MYT1L: variants seen among roughly 807,000 people sequenced by gnomAD.
MYT1L encodes the protein myelin transcription factor 1-like protein.
A neutral mutation model predicts 126.7 loss-of-function variants in MYT1L; 12 were observed. The observed-to-expected ratio is 0.09, with a 90% CI of 0.06 to 0.15. MYT1L has a LOEUF of 0.15. MYT1L is among the 10% of genes least tolerant of loss of function. The pLI is 1.00. For synonymous variants in MYT1L, 541 were observed against 604.2 expected (o/e 0.90, Z 1.53); for missense variants, 979 against 1,585.2 (o/e 0.62, Z 6.49).
intron 2 of MYT1L, among the ~76,000 whole-genome samples, chr2:2,214,843 C>A (rs2093633674): frequency 6.6e-6 from 1 of 152,058 alleles, no homozygotes; most frequent in Non-Finnish European, 1.5e-5. Flanking sequence ...AGCTAAATCT[C>A]TTTAAAATTA....
At chr2:1,995,493 C>T (rs1036256841) in intron 5 of MYT1L, among the ~76,000 whole-genome samples, 6 of 152,184 alleles carry the variant, frequency 3.9e-5, no homozygotes. Flanking sequence ...TAAAAAAACA[C>T]CTGCCTCTTG....
intron 3 of MYT1L, among the ~76,000 whole-genome samples, chr2:2,137,183 T>C (rs1232323174): frequency 6.6e-6 from 1 of 152,096 alleles, no homozygotes; most frequent in African/African-American, 2.4e-5. Flanking sequence ...CTCAATGAAA[T>C]AGAAGAGGAT....
chr2:2,115,315 A>G (rs1008927474), intron 3 of MYT1L, among the ~76,000 whole-genome samples: 1 of 152,242 alleles, frequency 6.6e-6, no homozygotes, highest in Non-Finnish European at 1.5e-5. Context: ...CTATATCTCC[A>G]GCACCTAATA....
chr2:2,126,968 G>A (rs1371486357), intron 3 of MYT1L, among the ~76,000 whole-genome samples: 2 of 152,182 alleles, frequency 1.3e-5, no homozygotes, highest in African/African-American at 4.8e-5. Flanking sequence ...TCTTCATAAC[G>A]GAAGCCTCCA....
chr2:2,198,825 G>A (rs933224295), intron 2 of MYT1L, among the ~76,000 whole-genome samples: 6 of 152,044 alleles, frequency 3.9e-5, no homozygotes, highest in African/African-American at 1.2e-4. Flanking sequence ...CAGCCTGGGC[G>A]ACAGAGCGAG....
intron 3 of MYT1L, among the ~76,000 whole-genome samples, chr2:2,144,204 G>C (rs1215012628): frequency 6.6e-6 from 1 of 152,102 alleles, no homozygotes; most frequent in East Asian, 1.9e-4. Flanking sequence ...GGGGGTGGGG[G>C]AGGTTTTGTC....
chr2:1,866,726 G>GGAGGGAGAGAGA (rs2045586227), intron 18 of MYT1L, among the ~76,000 whole-genome samples: 2 of 102,150 alleles, frequency 2.0e-5, no homozygotes, highest in Non-Finnish European at 4.0e-5. Context: ...AGGCAGAGAG[G>GGAGGGAGAGAGA]GAGGGAGAGA....
intron 2 of MYT1L, among the ~76,000 whole-genome samples, chr2:2,241,595 A>T (rs2094441712): frequency 6.6e-6 from 1 of 152,220 alleles, no homozygotes; most frequent in Admixed American, 6.5e-5. Context: ...ACAGGAATCC[A>T]AATGCGTTTC....
At chr2:1,972,136 T>C (rs1416943539) in intron 8 of MYT1L, among the ~76,000 whole-genome samples, 1 of 152,150 alleles carries the variant, frequency 6.6e-6, no homozygotes, top group African/African-American at 2.4e-5. Flanking sequence ...AAAGCACAGA[T>C]AGCCTGGTTT....
intron 3 of MYT1L, among the ~76,000 whole-genome samples, chr2:2,078,722 T>C (rs1212660541): frequency 6.6e-6 from 1 of 152,052 alleles, no homozygotes; most frequent in Non-Finnish European, 1.5e-5. Context: ...GGATAGACAA[T>C]AAAAATAACT....
intron 14 of MYT1L, among the ~76,000 whole-genome samples, chr2:1,899,347 G>A (rs2148930284): frequency 6.6e-6 from 1 of 152,350 alleles, no homozygotes; most frequent in South Asian, 2.1e-4. Flanking sequence ...AGCTTTTATA[G>A]ATCAGAAAAT....
chr2:1,815,803 T>C (rs2148071872), intron 21 of MYT1L, among the ~76,000 whole-genome samples: 1 of 152,304 alleles, frequency 6.6e-6, no homozygotes, highest in Non-Finnish European at 1.5e-5. Flanking sequence ...TCTTTTCTAG[T>C]TTAGAATTAT....
At chr2:1,934,265 C>T (rs1179939533) in intron 9 of MYT1L, among the ~76,000 whole-genome samples, 2 of 139,136 alleles carry the variant, frequency 1.4e-5, no homozygotes, top group African/African-American at 2.7e-5. Flanking sequence ...GGGCCACAGC[C>T]CCCCGCCTGA....
At chr2:2,011,633 G>A (rs1343112052) in intron 4 of MYT1L, among the ~76,000 whole-genome samples, 4 of 151,940 alleles carry the variant, frequency 2.6e-5, no homozygotes, top group African/African-American at 4.8e-5. Context: ...ATCATATATT[G>A]ATAAGGGATT....
At chr2:2,297,641 C>A (rs559863166) in intron 1 of MYT1L, among the ~76,000 whole-genome samples, 1 of 152,334 alleles carries the variant, frequency 6.6e-6, no homozygotes, top group East Asian at 1.9e-4. Flanking sequence ...GCATGTGCCA[C>A]TCAGGATGCT....
At chr2:2,253,495 G>T (rs1384750073) in intron 2 of MYT1L, among the ~76,000 whole-genome samples, 1 of 152,226 alleles carries the variant, frequency 6.6e-6, no homozygotes, top group South Asian at 2.1e-4. Context: ...TCTATAGGGG[G>T]AAGGGGGATG....
At chr2:2,250,061 A>G (rs1389286862) in intron 2 of MYT1L, among the ~76,000 whole-genome samples, 14 of 152,224 alleles carry the variant, frequency 9.2e-5, no homozygotes, top group Admixed American at 9.2e-4. Context: ...GAACCCTTAT[A>G]TACTCTTAGT....
chr2:1,988,185 C>T (rs2061196882), intron 5 of MYT1L, among the ~76,000 whole-genome samples: 1 of 152,190 alleles, frequency 6.6e-6, no homozygotes, highest in African/African-American at 2.4e-5. Context: ...CCAGCTGCAC[C>T]TACAGGGTGG....
intron 4 of MYT1L, among the ~76,000 whole-genome samples, chr2:2,048,329 C>T (rs1468805990): frequency 6.6e-6 from 1 of 152,160 alleles, no homozygotes; most frequent in Non-Finnish European, 1.5e-5. Flanking sequence ...TGTGTAGCTC[C>T]AGCAAAATGT....
Sources: allele counts gnomAD v4.1 joint callset (sites outside exome capture counted in the v4.1 genomes callset), GRCh38; gene constraint gnomAD v4.1.1; transcripts MANE v1.5; gene names NCBI Gene and HGNC (gene_info 2026-07-23, HGNC 2026-07-21).